The following GLRA3 variants were observed in gnomAD, a reference collection of about 807,000 sequenced individuals.
GLRA3 encodes glycine receptor alpha 3.
A neutral mutation model predicts 60.4 loss-of-function variants in GLRA3; 44 were observed. The observed-to-expected ratio is 0.73, with a 90% confidence interval of 0.57 to 0.94. The LOEUF (loss-of-function observed/expected upper bound fraction) is 0.94, where lower values mean the gene tolerates loss of function less well. Among genes scored for constraint, GLRA3 ranks in the 40% least tolerant of loss-of-function variants. The pLI is 0.00. For synonymous variants in GLRA3, 223 were observed against 192.9 expected (o/e 1.16, Z -1.29); for missense variants, 508 against 564.6 (o/e 0.90, Z 1.02).
chr4:174,678,706 G>T (rs907344461), intron 6 of GLRA3, among the ~76,000 whole-genome samples: 2 of 152,120 alleles, frequency 1.3e-5, no homozygotes, highest in African/African-American at 4.8e-5. Flanking sequence ...AACCATACAT[G>T]ATCCTTTTAT....
chr4:174,779,054 C>T (rs1474366663), intron 2 of GLRA3, among the ~76,000 whole-genome samples: 3 of 152,218 alleles, frequency 2.0e-5, no homozygotes, highest in African/African-American at 7.2e-5. Context: ...GTAACTTCTG[C>T]AGACTTAAAT....
At chr4:174,670,082 C>T (rs1733846508) in intron 7 of GLRA3, among the ~76,000 whole-genome samples, 1 of 152,154 alleles carries the variant, frequency 6.6e-6, no homozygotes, top group East Asian at 1.9e-4. Context: ...TAGGATGTAG[C>T]TCTTTTTCTT....
intron 5 of GLRA3, among the ~76,000 whole-genome samples, chr4:174,695,323 C>A (rs1010161046): frequency 6.6e-6 from 1 of 152,000 alleles, no homozygotes; most frequent in African/African-American, 2.4e-5. Context: ...TGAAGAACAT[C>A]GGTGCAAAAA....
In GLRA3 at chr4:174,688,522, T is replaced by C. The variant is rs530415545; in HGVS notation, c.575-5583A>G. On this transcript the variant is annotated intron_variant, in intron 5 of 9. Transcript: ENST00000274093. ...CCTAAAATAGTATGTGGCCAGCATA[T>C]AGCAGGTGCTTGAATATTTGAATTA... is the stretch of plus-strand genomic sequence containing the variant. 1.3e-4 allele frequency among the ~76,000 whole-genome samples: 19 copies of C among 151,166 alleles called. No homozygotes were observed. In the South Asian group the frequency reaches 2.7e-3, roughly 22 times the overall value.
chr4:174,794,197 T>C (rs975966700), intron 1 of GLRA3, among the ~76,000 whole-genome samples: 1 of 152,192 alleles, frequency 6.6e-6, no homozygotes, highest in African/African-American at 2.4e-5. Flanking sequence ...CACTTATCCA[T>C]TGAAACCCAC....
intron 3 of GLRA3, among the ~76,000 whole-genome samples, chr4:174,741,070 G>A (rs115315662): frequency 0.036 from 5,522 of 152,210 alleles, 147 homozygotes; most frequent in Non-Finnish European, 0.053. Flanking sequence ...AAGCATACGT[G>A]TTTGTTTCTC....
intron 2 of GLRA3, among the ~76,000 whole-genome samples, chr4:174,782,583 C>A (rs1047970785): frequency 6.6e-6 from 1 of 151,968 alleles, no homozygotes; most frequent in African/African-American, 2.4e-5. Flanking sequence ...TGTCTCAGCC[C>A]AAAATCTCCT....
intron 1 of GLRA3, among the ~76,000 whole-genome samples, chr4:174,790,297 T>A (rs981860426): frequency 4.6e-5 from 7 of 152,120 alleles, no homozygotes; most frequent in African/African-American, 1.4e-4. Context: ...TGATCCTTTA[T>A]CTCTGATTAT....
intron 2 of GLRA3, among the ~76,000 whole-genome samples, chr4:174,779,706 G>C (rs1323634746): frequency 1.3e-5 from 2 of 152,062 alleles, no homozygotes; most frequent in Non-Finnish European, 2.9e-5. Context: ...TGGAAGAAAG[G>C]GTATCAGAGA....
In GLRA3 at chr4:174,669,044, G is replaced by A. The variant is rs28417596; in HGVS notation, c.927+8034C>T. ...AACTGCTTTTTCTCTGAGATATGCC[G>A]AAAATGTCTCTGCTTGTGTTATGCC... On this transcript the variant is annotated intron_variant, in intron 7 of 9. Coordinates refer to ENST00000274093, the MANE Select transcript of GLRA3 (RefSeq NM_006529.4). Among the ~76,000 whole-genome samples the A allele has an allele frequency of 9.6e-3, 1,460 of 152,022 alleles. 17 individuals carry two copies. The highest frequency in any genetic ancestry group is 0.056 in the South Asian group (270 of 4,810).
At chr4:174,773,425 T>C (rs1237544083) in intron 2 of GLRA3, among the ~76,000 whole-genome samples, 1 of 151,886 alleles carries the variant, frequency 6.6e-6, no homozygotes, top group East Asian at 1.9e-4. Context: ...GTTATTCATA[T>C]TGGGGAAAAA....
intron 1 of GLRA3, among the ~76,000 whole-genome samples, chr4:174,820,131 C>G (rs2200458): frequency 0.65 from 98,818 of 152,010 alleles, 32,736 homozygotes; most frequent in Non-Finnish European, 0.72. Context: ...TAAGGCATAA[C>G]TGAGTAAGAA....
intron 3 of GLRA3, among the ~76,000 whole-genome samples, chr4:174,757,545 G>A (rs1361979298): frequency 6.6e-6 from 1 of 152,012 alleles, no homozygotes; most frequent in East Asian, 1.9e-4. Flanking sequence ...AGAAGCTAAG[G>A]GAATAAACTC....
At chr4:174,751,901 G>C (rs1486876407) in intron 3 of GLRA3, among the ~76,000 whole-genome samples, 1 of 151,812 alleles carries the variant, frequency 6.6e-6, no homozygotes, top group Non-Finnish European at 1.5e-5. Context: ...AATTTCACGG[G>C]GAGGGCAATT....
At position 174,762,649 on chromosome 4, in the gene GLRA3, C is replaced by G. The variant is rs145753223; in HGVS notation, c.267+4314G>C. Among the ~76,000 whole-genome samples the G allele has an allele frequency of 1.6e-3, 243 of 152,116 alleles. 1 individual carries two copies. Among genetic ancestry groups the G allele is most frequent in the African/African-American group, 5.5e-3 (230 of 41,498 alleles). ...TTCTAACGTTCTCACCTGTGATCAC[C>G]AAATAGATATGCTCTGCCTGACACA... On this transcript the variant is annotated intron_variant, in intron 3 of 9. Coordinates refer to ENST00000274093, the MANE Select transcript of GLRA3 (RefSeq NM_006529.4).
intron 9 of GLRA3, among the ~76,000 whole-genome samples, chr4:174,644,780 A>G (rs891530243): frequency 1.3e-5 from 2 of 152,156 alleles, no homozygotes; most frequent in Non-Finnish European, 2.9e-5. Context: ...TGTTCTTCTA[A>G]AAAGTATCAT....
At chr4:174,789,021 AATGCTG>A in intron 1 of GLRA3, 78 bp from the exon 2 acceptor site, 3 of 891,950 alleles carry the variant, frequency 3.4e-6, no homozygotes, top group Middle Eastern at 4.5e-4. Flanking sequence ...ATAAAATAGA[AATGCTG>A]AGCTAAATAT....
intron 1 of GLRA3, among the ~76,000 whole-genome samples, chr4:174,812,569 A>T (rs1040565630): frequency 6.6e-6 from 1 of 152,170 alleles, no homozygotes; most frequent in African/African-American, 2.4e-5. Context: ...AAAGCAGAAA[A>T]AAAGAGTCTA....
At chr4:174,663,944 A>C (rs1733558600) in intron 7 of GLRA3, among the ~76,000 whole-genome samples, 1 of 152,132 alleles carries the variant, frequency 6.6e-6, no homozygotes, top group Admixed American at 6.6e-5. Flanking sequence ...CCTCGGTATA[A>C]CTCTGTGAAT....
Sources: allele counts gnomAD v4.1 joint callset (sites outside exome capture counted in the v4.1 genomes callset), GRCh38; gene constraint gnomAD v4.1.1; transcripts MANE v1.5; gene names NCBI Gene and HGNC (gene_info 2026-07-23, HGNC 2026-07-21).